The following MCF2 variants were observed in gnomAD, a reference collection of about 807,000 sequenced individuals.
MCF2 encodes the protein MCF.2 cell line derived transforming sequence, also known as proto-oncogene DBL.
Under a neutral mutation model 82.5 loss-of-function variants are expected in MCF2, and 44 were observed. The observed-to-expected ratio is 0.53, with a 90% CI of 0.42 to 0.69. The LOEUF is 0.69. Ranked by LOEUF, MCF2 falls within the 30% of genes least tolerant of loss-of-function variation. MCF2 has a pLI of 0.00. For missense variants in MCF2, 623 were observed against 663.1 expected, an observed-to-expected ratio of 0.94 and a Z score of 0.66; for synonymous variants, 217 against 224.9, an observed-to-expected ratio of 0.96 and a Z score of 0.32.
chrX:139,705,659 G>T (rs781078536), intron 1 of MCF2, among the ~76,000 whole-genome samples: 1 of 112,403 alleles, frequency 8.9e-6, no homozygotes, highest in South Asian at 3.7e-4. Flanking sequence ...CCTTGGTAAA[G>T]AATTTTTGGC....
At chrX:139,646,671 A>T, upstream of MCF2, 1 of 375,829 alleles carries the variant, frequency 2.7e-6, no homozygotes, top group Non-Finnish European at 4.6e-6. Context: ...CTCTGAAGTT[A>T]AGTCAGTTGG....
At chrX:139,596,049 G>A (rs138185920) in intron 19 of MCF2, among the ~76,000 whole-genome samples, 2,124 of 111,770 alleles carry the variant, frequency 0.019, 49 homozygotes, top group African/African-American at 0.065. Flanking sequence ...CACCCAGGTA[G>A]GGTGGAGCTA....
chrX:139,666,857 TA>T lies in MCF2; in HGVS notation c.-44-15070del, dbSNP rs753875285. Among the ~76,000 whole-genome samples the T allele has an allele frequency of 2.3e-4, 26 of 112,029 alleles. 1 individual carries two copies. Among genetic ancestry groups the T allele is most frequent in the Middle Eastern group, 4.6e-3 (1 of 217 alleles). On this transcript the variant is annotated intron_variant, in intron 1 of 27. Transcript: ENST00000414978. ...GGATACTGATAATTCATATGTTCAG[TA>T]GCTTTATTTTGTCCCAAATGTCCCA...
rs1333007634 is a variant in MCF2, at chrX:139,586,424, C to T, written c.2586G>A (p.Val862=). 8 of 1,208,548 alleles carry T rather than the reference C, an allele frequency of 6.6e-6. No individual in the cohort carries two copies. In the African/African-American group the frequency reaches 7.0e-5, roughly 11 times the overall value. The stretch of plus-strand genomic sequence containing the variant: ...CTGACGCAATTGCCTCACAGACCTC[C>T]ACCACAGTGCTGGTGTGTTCCAATT... The change falls in exon 23 of 25, where the codon GTG becomes GTA. Residue 862 remains valine (V), a synonymous_variant. Coordinates refer to ENST00000370576, the Ensembl canonical transcript of MCF2.
chrX:139,623,148 T>C (rs1932529508), intron 6 of MCF2, among the ~76,000 whole-genome samples: 1 of 111,498 alleles, frequency 9.0e-6, no homozygotes, highest in South Asian at 3.8e-4. Flanking sequence ...AGTAAATTAG[T>C]TCAGCCACTG....
intron 1 of MCF2, among the ~76,000 whole-genome samples, chrX:139,656,059 T>C (rs12835607): frequency 1.8e-5 from 2 of 111,231 alleles, no homozygotes; most frequent in Admixed American, 1.9e-4. Flanking sequence ...TGTTTGTTTG[T>C]TTTGTTTTTG....
At chrX:139,612,361 C>G (rs908077864) in intron 10 of MCF2, among the ~76,000 whole-genome samples, 2 of 110,599 alleles carry the variant, frequency 1.8e-5, no homozygotes, top group Non-Finnish European at 1.9e-5. Context: ...GAAGAAAGAT[C>G]TAGGCTAAAG....
At chrX:139,582,557 G>A (rs1928566681) in intron 24 of MCF2, 54 bp from the exon 29 acceptor site, 1 of 926,622 alleles carries the variant, frequency 1.1e-6, no homozygotes, top group Non-Finnish European at 1.5e-6. Flanking sequence ...ACCAAGTGAA[G>A]CCAAAAGAGC....
At chrX:139,662,323 T>TTTTTTTTTTTTTTTTTTTG in intron 1 of MCF2, among the ~76,000 whole-genome samples, 1 of 111,189 alleles carries the variant, frequency 9.0e-6, no homozygotes, top group African/African-American at 3.3e-5. Flanking sequence ...ATAAAGATTT[T>TTTTTTTTTTTTTTTTTTTG]AGCTCGCTTT....
At chrX:139,667,474 C>T (rs969180503) in intron 1 of MCF2, among the ~76,000 whole-genome samples, 4 of 111,484 alleles carry the variant, frequency 3.6e-5, no homozygotes, top group Non-Finnish European at 7.5e-5. Flanking sequence ...CTGCAGGTAG[C>T]ATTTGCAGGT....
At chrX:139,677,235 A>T (rs1934889194) in intron 1 of MCF2, among the ~76,000 whole-genome samples, 1 of 111,665 alleles carries the variant, frequency 9.0e-6, no homozygotes. Context: ...TGAACAGCCC[A>T]CCTCAAGGGA....
chrX:139,699,690 T>A (rs1305191391), intron 1 of MCF2, among the ~76,000 whole-genome samples: 2 of 112,666 alleles, frequency 1.8e-5, no homozygotes, highest in African/African-American at 6.4e-5. Flanking sequence ...TTCATTCCTT[T>A]TTAAGGCTGA....
intron 1 of MCF2, among the ~76,000 whole-genome samples, chrX:139,704,218 T>A (rs1427955797): frequency 8.9e-6 from 1 of 112,066 alleles, no homozygotes; most frequent in African/African-American, 3.2e-5. Flanking sequence ...TCCACTCCTA[T>A]TCAACATAGT....
intron 1 of MCF2, among the ~76,000 whole-genome samples, chrX:139,676,534 C>T (rs1934867072): frequency 8.9e-6 from 1 of 112,023 alleles, no homozygotes; most frequent in Non-Finnish European, 1.9e-5. Flanking sequence ...TATGAGTTCT[C>T]ACTCCAGAAA....
exon 1 of MCF2, chrX:139,642,580 A>G (rs1163314393): frequency 8.3e-7 from 1 of 1,206,230 alleles, no homozygotes; most frequent in Non-Finnish European, 1.1e-6. Flanking sequence ...ATGAAATACG[A>G]GCTGCTTCTT....
chrX:139,692,168 C>A (rs1293061716), intron 1 of MCF2: 14 of 1,036,014 alleles, frequency 1.4e-5, no homozygotes, highest in Non-Finnish European at 1.7e-5. Context: ...AGGGCCGGGC[C>A]CCTGCCGCTG....
chrX:139,602,914 C>T (rs16993599), intron 15 of MCF2, among the ~76,000 whole-genome samples: 1,828 of 112,151 alleles, frequency 0.016, 32 homozygotes, highest in African/African-American at 0.056. Flanking sequence ...GACTTTATCA[C>T]TGTAGCATAA....
At chrX:139,663,939 TTTTTG>T (rs898213290) in intron 1 of MCF2, among the ~76,000 whole-genome samples, 6 of 111,079 alleles carry the variant, frequency 5.4e-5, no homozygotes, top group Admixed American at 9.7e-5. Context: ...CTTTCTCCAG[TTTTTG>T]TTTTGTTTTG....
intron 19 of MCF2, 22 bp from the exon 24 acceptor site, chrX:139,589,949 T>G (rs1339081058): frequency 1.1e-6 from 1 of 934,730 alleles, no homozygotes; most frequent in Non-Finnish European, 1.5e-6. Context: ...AAGTCAAAAT[T>G]TTCATGAGCA....
Sources: allele counts gnomAD v4.1 joint callset (sites outside exome capture counted in the v4.1 genomes callset), GRCh38; gene constraint gnomAD v4.1.1; transcripts MANE v1.5; gene names NCBI Gene and HGNC (gene_info 2026-07-23, HGNC 2026-07-21).